The following P3H2 variants were observed in gnomAD, a reference collection of about 807,000 sequenced individuals.
The protein encoded by P3H2 is leprecan-like 1.
Under a neutral mutation model 87.0 loss-of-function variants are expected in P3H2, and 80 were observed. That is an observed-to-expected ratio of 0.92 (90% CI 0.77 to 1.11). The LOEUF (loss-of-function observed/expected upper bound fraction) is 1.11, where lower values mean the gene tolerates loss of function less well. P3H2 is among the 50% of genes least tolerant of loss of function. The pLI, the probability that P3H2 is intolerant of heterozygous loss-of-function variation, is 0.00. For missense variants in P3H2, 1,001 were observed against 923.9 expected, an observed-to-expected ratio of 1.08 and a Z score of -1.08; for synonymous variants, 367 against 359.3, an observed-to-expected ratio of 1.02 and a Z score of -0.24.
At chr3:190,067,097 G>A (rs1352103908) in intron 1 of P3H2, among the ~76,000 whole-genome samples, 1 of 144,734 alleles carries the variant, frequency 6.9e-6, no homozygotes, top group Non-Finnish European at 1.5e-5. Flanking sequence ...CTCCTGCCTT[G>A]GCCTCCCAAA....
intron 1 of P3H2, among the ~76,000 whole-genome samples, chr3:190,027,655 C>T (rs957447971): frequency 2.1e-5 from 3 of 144,526 alleles, no homozygotes; most frequent in African/African-American, 7.7e-5. Context: ...ATGGCAAAAA[C>T]TGCAATTACT....
chr3:190,059,259 T>C (rs1726261242), intron 1 of P3H2, among the ~76,000 whole-genome samples: 1 of 152,122 alleles, frequency 6.6e-6, no homozygotes, highest in South Asian at 2.1e-4. Flanking sequence ...GTGAGTTTCT[T>C]GAGTAGCAGG....
At position 190,025,318 on chromosome 3, in the gene P3H2, C is replaced by A. The variant is rs28555145; in HGVS notation, c.481-29876G>T. On this transcript the variant is annotated intron_variant, in intron 1 of 14. Transcript: ENST00000319332. The stretch of plus-strand genomic sequence containing the variant: ...TTTTCTCTTTCGCAGGCTAAAAAAA[C>A]CAAGCTGCATTATCCCTCAATTACT... Among the ~76,000 whole-genome samples the A allele has an allele frequency of 4.3e-3, 649 of 152,208 alleles. 5 individuals carry two copies. The highest frequency in any genetic ancestry group is 0.015 in the African/African-American group (633 of 41,548).
chr3:190,113,180 G>A (rs557989639), intron 1 of P3H2, among the ~76,000 whole-genome samples: 34 of 152,284 alleles, frequency 2.2e-4, no homozygotes, highest in Non-Finnish European at 3.1e-4. Flanking sequence ...TTACATAGAG[G>A]CTGGAAAGAG....
chr3:189,965,813 C>G (rs1194387974), intron 13 of P3H2, among the ~76,000 whole-genome samples: 3 of 151,796 alleles, frequency 2.0e-5, no homozygotes, highest in African/African-American at 7.3e-5. Context: ...TGGTGAAACC[C>G]CGTCTCTACT....
rs1254778831 is a variant in P3H2 at position 189,973,904 on chromosome 3, T to C, written c.1548+5A>G. On this transcript the variant is annotated splice_donor_5th_base_variant and intron_variant, in intron 10 of 14. Coordinates refer to ENST00000319332, the MANE Select transcript of P3H2 (RefSeq NM_018192.4). ...ACTCAAACCCAAAAGAAGTTAAGAC[T>C]TTACTTTGAGTGCTTTCAGGACAGT... is the stretch of plus-strand genomic sequence containing the variant. The C allele has an allele frequency of 6.2e-7, 1 of 1,609,258 alleles. No homozygotes were observed. Among genetic ancestry groups the C allele is most frequent in the East Asian group, 2.2e-5 (1 of 44,854 alleles).
At chr3:190,031,219 A>T (rs767048798) in intron 1 of P3H2, among the ~76,000 whole-genome samples, 1 of 152,240 alleles carries the variant, frequency 6.6e-6, no homozygotes, top group African/African-American at 2.4e-5. Flanking sequence ...CTCATGTTTA[A>T]AAGTGATGGA....
intron 1 of P3H2, among the ~76,000 whole-genome samples, chr3:190,013,484 T>C (rs150903733): frequency 9.2e-4 from 140 of 152,346 alleles, no homozygotes; most frequent in African/African-American, 3.2e-3. Flanking sequence ...CTAAAAGGTG[T>C]AGAATTCAGT....
intron 1 of P3H2, among the ~76,000 whole-genome samples, chr3:190,026,257 G>A (rs1428838106): frequency 2.0e-5 from 3 of 152,144 alleles, no homozygotes; most frequent in Non-Finnish European, 4.4e-5. Flanking sequence ...TGTTGTGTCA[G>A]AGACGTTTGA....
intron 1 of P3H2, among the ~76,000 whole-genome samples, chr3:190,088,918 C>T (rs1182438508): frequency 6.6e-6 from 1 of 152,164 alleles, no homozygotes; most frequent in African/African-American, 2.4e-5. Flanking sequence ...CTATAGCACA[C>T]TTTAACTCTC....
At chr3:190,009,369 C>T (rs908777657) in intron 1 of P3H2, among the ~76,000 whole-genome samples, 4 of 152,110 alleles carry the variant, frequency 2.6e-5, no homozygotes, top group African/African-American at 7.2e-5. Flanking sequence ...TTAGTTTGTT[C>T]GAGTAGCATA....
intron 1 of P3H2, among the ~76,000 whole-genome samples, chr3:190,056,519 T>C (rs1302918703): frequency 6.6e-6 from 1 of 152,246 alleles, no homozygotes; most frequent in African/African-American, 2.4e-5. Flanking sequence ...AATATTTTCA[T>C]TGCATTCAGA....
At chr3:189,977,992 T>C (rs1723405013) in intron 8 of P3H2, among the ~76,000 whole-genome samples, 1 of 152,186 alleles carries the variant, frequency 6.6e-6, no homozygotes, top group African/African-American at 2.4e-5. Flanking sequence ...TGTAGCTGAT[T>C]AAAGTTTGTA....
chr3:190,045,460 T>C (rs902509839), intron 1 of P3H2, among the ~76,000 whole-genome samples: 11 of 152,156 alleles, frequency 7.2e-5, no homozygotes, highest in Non-Finnish European at 1.5e-4. Flanking sequence ...CTTTTATTCA[T>C]TTTTCCTTCC....
intron 1 of P3H2, among the ~76,000 whole-genome samples, chr3:190,009,662 C>T (rs193040807): frequency 3.4e-4 from 52 of 152,242 alleles, no homozygotes; most frequent in African/African-American, 1.3e-3. Flanking sequence ...GAAATTTTAG[C>T]CAAGTCATTA....
At chr3:190,098,434 A>G (rs1285252041) in intron 1 of P3H2, among the ~76,000 whole-genome samples, 1 of 152,208 alleles carries the variant, frequency 6.6e-6, no homozygotes, top group Non-Finnish European at 1.5e-5. Context: ...AATTTTCCGT[A>G]GTTGCTATAA....
intron 14 of P3H2, among the ~76,000 whole-genome samples, chr3:189,961,636 A>C (rs1026925000): frequency 3.9e-5 from 6 of 152,220 alleles, no homozygotes. Flanking sequence ...GTAACGATCA[A>C]TAGATGATCT....
At chr3:189,992,423 G>A (rs1723907017) in intron 3 of P3H2, among the ~76,000 whole-genome samples, 1 of 152,106 alleles carries the variant, frequency 6.6e-6, no homozygotes, top group Admixed American at 6.5e-5. Context: ...AAGACTGAAA[G>A]CACTGGAAGT....
intron 1 of P3H2, among the ~76,000 whole-genome samples, chr3:190,109,122 C>T (rs1711968135): frequency 6.6e-6 from 1 of 152,228 alleles, no homozygotes; most frequent in African/African-American, 2.4e-5. Flanking sequence ...AGACAGATAT[C>T]AGAGTGGGAA....
Sources: gnomAD v4.1 joint callset for allele counts (sites outside exome capture counted in the v4.1 genomes callset) on GRCh38, gnomAD v4.1.1 for gene constraint, MANE v1.5 for transcripts, NCBI Gene and HGNC (gene_info 2026-07-23, HGNC 2026-07-21) for gene names.